The following TRPM8 variants were observed in gnomAD, a reference collection of about 807,000 sequenced individuals.
TRPM8 encodes TRPM8 cationic channel.
TRPM8 carries 110 observed loss-of-function variants against 133.7 expected under a neutral mutation model. The observed-to-expected ratio is 0.82, with a 90% confidence interval of 0.70 to 0.96. The LOEUF (loss-of-function observed/expected upper bound fraction) is 0.96. Among genes scored for constraint, TRPM8 ranks in the 40% least tolerant of loss-of-function variants. The probability of loss-of-function intolerance (pLI) is 0.00; values close to 1 mark genes in which losing one functional copy is unlikely to be tolerated. For synonymous variants in TRPM8, 535 were observed against 532.3 expected (o/e 1.01, Z -0.07); for missense variants, 1,291 against 1,379.5 (o/e 0.94, Z 1.02).
chr2:233,977,532 C>T (rs139881924), intron 17 of TRPM8, among the ~76,000 whole-genome samples: 43 of 152,284 alleles, frequency 2.8e-4, no homozygotes, highest in Middle Eastern at 3.4e-3. Flanking sequence ...GGGCATTAAG[C>T]GGGGAGCTAG....
intron 24 of TRPM8, among the ~76,000 whole-genome samples, chr2:234,009,994 A>C (rs1346290086): frequency 6.6e-6 from 1 of 152,182 alleles, no homozygotes; most frequent in Non-Finnish European, 1.5e-5. Context: ...AGGGAATTAG[A>C]TTAATTTAAA....
At chr2:233,982,048 T>A in intron 19 of TRPM8, 133 bp downstream of exon 19, 1 of 1,028,932 alleles carries the variant, frequency 9.7e-7, no homozygotes, top group Non-Finnish European at 1.4e-6. Context: ...TTCTTTGATG[T>A]ATTTCATCAG....
At chr2:233,950,507 C>CAAAGTTGA (rs527599491) in intron 9 of TRPM8, among the ~76,000 whole-genome samples, 35 of 152,272 alleles carry the variant, frequency 2.3e-4, no homozygotes, top group African/African-American at 8.2e-4. Flanking sequence ...ATGATGAAGG[C>CAAAGTTGA]AAAGTTGAAA....
chr2:233,941,377 C>T (rs144102759), intron 5 of TRPM8, among the ~76,000 whole-genome samples: 1 of 152,042 alleles, frequency 6.6e-6, no homozygotes, highest in Non-Finnish European at 1.5e-5. Context: ...GGATTTATGC[C>T]CCGTGAGAGC....
At chr2:233,980,125 A>C in intron 17 of TRPM8, 63 bp from the exon 18 acceptor site, 16 of 1,128,548 alleles carry the variant, frequency 1.4e-5, no homozygotes, top group Non-Finnish European at 1.7e-5. Context: ...GACATTTAAA[A>C]ATCTGGAAAT....
chr2:233,918,685 A>G (rs1022128767), intron 1 of TRPM8, among the ~76,000 whole-genome samples: 2 of 152,172 alleles, frequency 1.3e-5, no homozygotes, highest in African/African-American at 4.8e-5. Flanking sequence ...TGATAGAGGC[A>G]ATTAGAAAAA....
rs1382390042 is a variant in TRPM8 at position 234,017,981 on chromosome 2, T to TA, written c.*725_*726insA. 7 of 56,296 alleles carry TA rather than the reference T, an allele frequency of 1.2e-4. No homozygotes were observed. The highest frequency in any genetic ancestry group is 6.6e-4 in the African/African-American group (7 of 10,578). The allele number at this position is 56,296 out of a possible 1,614,324, so 3.5% of individuals were successfully genotyped here. On this transcript the variant is annotated 3_prime_UTR_variant, in exon 26 of 26. Coordinates refer to ENST00000324695, the MANE Select transcript of TRPM8 (RefSeq NM_024080.5). ...TGACTTTGTTCTTATTGGATACTCC[T>TA]CTTATTATTTTTCCATTAAAAATAA...
In TRPM8 at chr2:233,930,760, T is replaced by C; in HGVS notation, c.191+19T>C. On this transcript the variant is annotated intron_variant, in intron 3 of 25. Transcript: ENST00000324695. ...AGGCCACGTAAGCTACTATTTTCCC[T>C]CCAGTTTTGCTTTCCAAGTTCAAAA... 1 of 1,574,124 alleles carries C rather than the reference T, an allele frequency of 6.4e-7. No homozygotes were observed. Among genetic ancestry groups the C allele is most frequent in the Non-Finnish European group, 8.7e-7 (1 of 1,151,372 alleles).
At chr2:233,952,842 A>G (rs1691201986) in intron 9 of TRPM8, among the ~76,000 whole-genome samples, 1 of 151,758 alleles carries the variant, frequency 6.6e-6, no homozygotes, top group Non-Finnish European at 1.5e-5. Context: ...CTTCCTTTTT[A>G]TTTCAAAGGA....
chr2:234,010,730 A>G (rs184718594), intron 24 of TRPM8, among the ~76,000 whole-genome samples: 5 of 152,294 alleles, frequency 3.3e-5, no homozygotes, highest in African/African-American at 7.2e-5. Context: ...CCTGATGATT[A>G]AGTGTTGAGC....
rs868801876 is a variant in TRPM8 at position 233,990,014 on chromosome 2, A to G, written c.2939+4149A>G. Among the ~76,000 whole-genome samples the G allele has an allele frequency of 3.3e-5, 5 of 152,372 alleles. No individual in the cohort carries two copies. In the South Asian group the frequency reaches 1.0e-3, roughly 32 times the overall value. On this transcript the variant is annotated intron_variant, in intron 21 of 25. Coordinates refer to ENST00000324695, the MANE Select transcript of TRPM8 (RefSeq NM_024080.5). ...GATCTTAGGAGTAATATAAACATGC[A>G]GAAAAGTAGAAGGAAGAAAATAATG...
At chr2:233,949,868 G>T (rs2125128243) in intron 8 of TRPM8, 81 bp from the exon 9 acceptor site, 3 of 1,349,732 alleles carry the variant, frequency 2.2e-6, no homozygotes, top group East Asian at 4.6e-5. Context: ...GTTTCCTCCA[G>T]CTTGGCTCAG....
rs909872345 is a variant in TRPM8, at chr2:233,946,951, G to A, written c.875-137G>A. The A allele has an allele frequency of 4.7e-5, 33 of 706,638 alleles. No individual in the cohort carries two copies. In the East Asian group the frequency reaches 7.6e-4, roughly 16 times the overall value. The allele number at this position is 706,638 out of a possible 1,614,324, so 43.8% of individuals were successfully genotyped here. A position where few individuals can be genotyped will look rare whatever the true frequency, so the allele number is the denominator to read the frequency against. ...CATCCGTCTTTAATGAGTGGATAAT[G>A]TTCAAGTCCGTGAGATGTGAAGCTA... On this transcript the variant is annotated intron_variant, in intron 7 of 25. Transcript: ENST00000324695.
At chr2:234,015,166 C>T (rs1363294058) in intron 25 of TRPM8, among the ~76,000 whole-genome samples, 1 of 152,140 alleles carries the variant, frequency 6.6e-6, no homozygotes, top group Non-Finnish European at 1.5e-5. Context: ...AACAATAGCT[C>T]TTTTGCACAA....
intron 17 of TRPM8, among the ~76,000 whole-genome samples, chr2:233,978,518 G>T (rs562124019): frequency 6.6e-6 from 1 of 151,914 alleles, no homozygotes; most frequent in African/African-American, 2.4e-5. Flanking sequence ...TTCGTTCCTG[G>T]TTTTACAAAA....
At chr2:233,959,713 T>C (rs1185714672) in intron 11 of TRPM8, among the ~76,000 whole-genome samples, 1 of 152,194 alleles carries the variant, frequency 6.6e-6, no homozygotes, top group Non-Finnish European at 1.5e-5. Flanking sequence ...AGAAATGCTA[T>C]AGAGGGCACA....
intron 21 of TRPM8, among the ~76,000 whole-genome samples, chr2:233,991,330 A>T (rs568740465): frequency 6.6e-6 from 1 of 152,208 alleles, no homozygotes; most frequent in African/African-American, 2.4e-5. Context: ...GTGTGATCCA[A>T]TCGCTTGTCA....
In TRPM8 at chr2:234,014,534, A is replaced by G. The variant is rs772440624; in HGVS notation, c.3265-28A>G. On this transcript the variant is annotated intron_variant, in intron 24 of 25. Transcript: ENST00000324695. ...TGAAAGTTGGAAAATTTATCTTAAG[A>G]TGAGTTCTATTTTTTTCTCTTTCCA... The G allele has an allele frequency of 3.4e-6, 5 of 1,459,228 alleles. No individual in the cohort carries two copies. In the South Asian group the frequency reaches 3.9e-5, roughly 12 times the overall value. 90.4% of individuals were successfully genotyped at this position (1,459,228 alleles called of 1,614,324 possible).
intron 21 of TRPM8, among the ~76,000 whole-genome samples, chr2:233,991,850 G>A (rs977365526): frequency 2.0e-5 from 3 of 152,154 alleles, no homozygotes; most frequent in Non-Finnish European, 2.9e-5. Context: ...GTACAGAGGA[G>A]CCTAAGGCTT....
Sources: gnomAD v4.1 joint callset for allele counts (sites outside exome capture counted in the v4.1 genomes callset) on GRCh38, gnomAD v4.1.1 for gene constraint, MANE v1.5 for transcripts, NCBI Gene and HGNC (gene_info 2026-07-23, HGNC 2026-07-21) for gene names.